The following ADAM23 variants were observed in gnomAD, a reference collection of about 807,000 sequenced individuals.
The protein encoded by ADAM23 is ADAM metallopeptidase domain 23.
Under a neutral mutation model 120.1 loss-of-function variants are expected in ADAM23, and 33 were observed. The observed-to-expected ratio is 0.27, with a 90% CI of 0.21 to 0.37. The LOEUF (loss-of-function observed/expected upper bound fraction) is 0.37. Ranked by LOEUF, ADAM23 falls within the 10% of genes least tolerant of loss-of-function variation. The pLI is 1.00. For synonymous variants in ADAM23, 367 were observed against 375.2 expected (o/e 0.98, Z 0.25); for missense variants, 862 against 1,058.2 (o/e 0.81, Z 2.57).
At chr2:206,533,807 A>G (rs951267978) in intron 4 of ADAM23, among the ~76,000 whole-genome samples, 8 of 152,322 alleles carry the variant, frequency 5.3e-5, no homozygotes, top group South Asian at 2.1e-4. Flanking sequence ...TTTCCATGTG[A>G]AGCAAATATA....
chr2:206,593,044 G>A (rs1698455225), intron 22 of ADAM23, among the ~76,000 whole-genome samples: 1 of 152,242 alleles, frequency 6.6e-6, no homozygotes, highest in East Asian at 1.9e-4. Context: ...AAGCATTAGA[G>A]TATGCCACTA....
intron 18 of ADAM23, among the ~76,000 whole-genome samples, chr2:206,582,602 TTTTG>T (rs1361582441): frequency 6.6e-6 from 1 of 152,112 alleles, no homozygotes; most frequent in Non-Finnish European, 1.5e-5. Context: ...TGTGCTTTGG[TTTTG>T]TTTTTTTGTT....
chr2:206,487,838 A>T (rs1559229921), intron 3 of ADAM23, among the ~76,000 whole-genome samples: 1 of 152,244 alleles, frequency 6.6e-6, no homozygotes, highest in African/African-American at 2.4e-5. Context: ...TTGTACATTC[A>T]TCTTGAATGA....
chr2:206,573,083 G>C, intron 17 of ADAM23, 32 bp from the exon 18 acceptor site: 1 of 1,602,936 alleles, frequency 6.2e-7, no homozygotes, highest in South Asian at 1.1e-5. Flanking sequence ...ATTATGTAAT[G>C]CTAACTCTTA....
At chr2:206,590,342 C>T (rs1389284507) in intron 21 of ADAM23, among the ~76,000 whole-genome samples, 1 of 152,190 alleles carries the variant, frequency 6.6e-6, no homozygotes, top group African/African-American at 2.4e-5. Flanking sequence ...AAGTGATCCG[C>T]CCTCCTCAGC....
chr2:206,543,627 T>C (rs897523499), intron 6 of ADAM23, among the ~76,000 whole-genome samples: 3 of 152,154 alleles, frequency 2.0e-5, no homozygotes, highest in African/African-American at 7.2e-5. Context: ...CTAGCTTTCA[T>C]AGAAGTCATT....
intron 2 of ADAM23, 63 bp downstream of exon 2, chr2:206,445,587 T>A (rs1408933043): frequency 4.3e-5 from 61 of 1,403,586 alleles, no homozygotes; most frequent in Non-Finnish European, 5.7e-5. Context: ...GATTTGATTT[T>A]CTGCCAGAAT....
In ADAM23 at chr2:206,619,060, A is replaced by G. The variant is rs1159375917; in HGVS notation, c.*1433A>G. 2.0e-5 allele frequency: 3 copies of G among 152,228 alleles called. No homozygotes were observed. Among genetic ancestry groups the G allele is most frequent in the Admixed American group, 1.3e-4 (2 of 15,284 alleles). 9.4% of individuals were successfully genotyped at this position (152,228 alleles called of 1,614,324 possible). On this transcript the variant is annotated 3_prime_UTR_variant, in exon 26 of 26. Transcript: ENST00000264377. ...CATGCTCATTTTCCTGCCTCAAAAT[A>G]TATATGGTAGAACCCTATTGGAAAA... is the stretch of plus-strand genomic sequence containing the variant.
chr2:206,447,560 T>C (rs1457524247), intron 2 of ADAM23, among the ~76,000 whole-genome samples: 7 of 152,244 alleles, frequency 4.6e-5, no homozygotes, highest in Non-Finnish European at 5.9e-5. Flanking sequence ...CTTTTACTTC[T>C]GTTTTTAAGC....
chr2:206,551,845 G>A (rs1345770636), intron 9 of ADAM23, among the ~76,000 whole-genome samples: 1 of 152,058 alleles, frequency 6.6e-6, no homozygotes, highest in Non-Finnish European at 1.5e-5. Flanking sequence ...TTCTGTTCCA[G>A]TTGCCTTTAA....
chr2:206,616,509 T>C (rs1284816423), intron 25 of ADAM23, among the ~76,000 whole-genome samples: 1 of 152,226 alleles, frequency 6.6e-6, no homozygotes, highest in Non-Finnish European at 1.5e-5. Context: ...AGTGACCATC[T>C]TGGGAAAAAT....
At chr2:206,598,880 A>G (rs1207516245) in intron 24 of ADAM23, among the ~76,000 whole-genome samples, 1 of 151,600 alleles carries the variant, frequency 6.6e-6, no homozygotes, top group Non-Finnish European at 1.5e-5. Context: ...AGCCTGGGTG[A>G]TAGAGTGAGA....
chr2:206,567,973 T>C (rs1168662857), intron 15 of ADAM23, among the ~76,000 whole-genome samples: 3 of 152,184 alleles, frequency 2.0e-5, no homozygotes, highest in Admixed American at 1.3e-4. Context: ...CTCACTATCA[T>C]GAGGACTGTA....
At chr2:206,551,335 C>A (rs1559260341) in intron 9 of ADAM23, among the ~76,000 whole-genome samples, 1 of 152,138 alleles carries the variant, frequency 6.6e-6, no homozygotes. Context: ...CTCCAGCAAC[C>A]ACTGCCACAC....
chr2:206,547,319 C>T (rs1387100289), intron 6 of ADAM23, 110 bp from the exon 7 acceptor site: 1 of 784,068 alleles, frequency 1.3e-6, no homozygotes. Flanking sequence ...AAAAAACTGA[C>T]ATATAAATAT....
chr2:206,453,021 C>T (rs1313523054), intron 2 of ADAM23, among the ~76,000 whole-genome samples: 6 of 152,220 alleles, frequency 3.9e-5, no homozygotes, highest in Non-Finnish European at 7.3e-5. Context: ...TATCCACATT[C>T]AGCAAGCATA....
chr2:206,447,644 G>A (rs774431143), intron 2 of ADAM23, among the ~76,000 whole-genome samples: 1 of 152,202 alleles, frequency 6.6e-6, no homozygotes. Context: ...CTTAATAACA[G>A]TGATGAGAGA....
intron 3 of ADAM23, among the ~76,000 whole-genome samples, chr2:206,502,420 A>T (rs1021221818): frequency 3.3e-5 from 5 of 152,042 alleles, no homozygotes; most frequent in Non-Finnish European, 7.4e-5. Context: ...TCAGCTTATT[A>T]CTTCTTTCAT....
At chr2:206,499,814 A>G (rs1024571328) in intron 3 of ADAM23, among the ~76,000 whole-genome samples, 4 of 152,106 alleles carry the variant, frequency 2.6e-5, no homozygotes, top group Non-Finnish European at 5.9e-5. Context: ...GCAGCTTTGA[A>G]TTCCTGGGTT....
Sources: gnomAD v4.1 joint callset for allele counts (sites outside exome capture counted in the v4.1 genomes callset) on GRCh38, gnomAD v4.1.1 for gene constraint, MANE v1.5 for transcripts, NCBI Gene and HGNC (gene_info 2026-07-23, HGNC 2026-07-21) for gene names.